SLC12A9: variants seen among roughly 807,000 people sequenced by gnomAD.
SLC12A9 encodes the protein solute carrier family 12 member 9.
In SLC12A9, 55 loss-of-function variants were observed where a neutral mutation model predicts 66.0. The ratio of observed to expected loss-of-function variants is 0.83; its 90% CI spans 0.67 to 1.04. SLC12A9 has a LOEUF of 1.04. Among genes scored for constraint, SLC12A9 ranks in the 50% least tolerant of loss-of-function variants. The pLI is 0.00. For missense variants in SLC12A9, 1,061 were observed against 1,241.9 expected (o/e 0.85, Z 2.19); for synonymous variants, 577 against 569.0 (o/e 1.01, Z -0.20).
rs1814434714 is a variant in SLC12A9, at chr7:100,857,014, C to T, written c.595C>T (p.Leu199=). ...YARASFLTFL[L]VSGSLASVLI... is the part of the protein sequence containing the mutation. ...CCGGGCCTCATTCCTCACATTCCTG[C>T]TGGTCTCTGGCTCCCTGGCCTCTGT... The change falls in exon 5 of 14, where the codon CTG becomes TTG. Residue 199 remains leucine (L), a synonymous_variant. Transcript: ENST00000354161. 6.2e-7 allele frequency: 1 copy of T among 1,614,066 alleles called. No homozygotes were observed. The highest frequency in any genetic ancestry group is 1.7e-5 in the Admixed American group (1 of 60,006).
intron 1 of SLC12A9, 102 bp from the exon 2 acceptor site, chr7:100,854,054 A>G: frequency 2.8e-6 from 2 of 710,056 alleles, no homozygotes; most frequent in Non-Finnish European, 4.3e-6. Flanking sequence ...AGTAGAGAGC[A>G]GCTCTGTCTT....
rs752635124 is a variant in SLC12A9, at chr7:100,854,767, A to C, written c.316+13A>C. The stretch of plus-strand genomic sequence containing the variant: ...GGCGGAGCCTACTGTATCCTCCAAC[A>C]TCGATGGACTGGGGTCTGGCCTGTT... On this transcript the variant is annotated intron_variant, in intron 3 of 13. Coordinates refer to ENST00000354161, the MANE Select transcript of SLC12A9 (RefSeq NM_020246.4). 7 of 1,613,646 alleles carry C rather than the reference A, an allele frequency of 4.3e-6. No homozygotes were observed. Among genetic ancestry groups the C allele is most frequent in the Non-Finnish European group, 5.9e-6 (7 of 1,179,924 alleles).
intron 1 of SLC12A9, chr7:100,837,388 G>C (rs1813682570): frequency 6.6e-6 from 1 of 152,238 alleles, no homozygotes; most frequent in South Asian, 2.1e-4. Context: ...CACAATTCGC[G>C]CCTTCCCAGG....
chr7:100,859,121 T>C lies in SLC12A9; in HGVS notation c.937T>C (p.Tyr313His). 6.2e-7 allele frequency: 1 copy of C among 1,614,104 alleles called. No homozygotes were observed. Among genetic ancestry groups the C allele is most frequent in the Non-Finnish European group, 8.5e-7 (1 of 1,180,020 alleles). ...CGCCGTCGCCTACACCTTCTTCGTC[T>C]ATGTCCTGCTTTTCTTTCTCTCCAG... The part of the protein sequence containing the change: ...IVAVAYTFFV[Y>H]VLLFFLSSFT... Residue 313 changes from tyrosine (Y) to histidine (H), a missense_variant, in exon 7 of 14, where the codon TAT becomes CAT. Physicochemically the swap from Tyr to His is moderately conservative, Grantham distance 83. Transcript: ENST00000354161.
At chr7:100,863,094 A>C (rs1584708489) in intron 13 of SLC12A9, among the ~76,000 whole-genome samples, 1 of 126,726 alleles carries the variant, frequency 7.9e-6, no homozygotes, top group African/African-American at 3.1e-5. Flanking sequence ...ACGGAGTCTC[A>C]CTCTGTCTTG....
Position 100,866,685 on chromosome 7 carries a change from C to G in SLC12A9, c.*80C>G. ...TCCTTGGAGGAGGAGGAAGAGGAGGCCACTGTGGCCCGTGGCCCTGCCCTT... is the reference window on the plus strand; with the variant it reads ...TCCTTGGAGGAGGAGGAAGAGGAGGGCACTGTGGCCCGTGGCCCTGCCCTT... On this transcript the variant is annotated 3_prime_UTR_variant, in exon 14 of 14. Coordinates refer to ENST00000354161, the MANE Select transcript of SLC12A9 (RefSeq NM_020246.4). The surrounding 1 kb of genome is among the most constrained non-coding windows in gnomAD (Gnocchi z 7.3). The G allele has an allele frequency of 2.9e-6, 4 of 1,376,202 alleles. 1 individual carries two copies. The South Asian group carries it at 6.2e-5, about 21-fold the overall frequency. The allele number at this position is 1,376,202 out of a possible 1,614,324, so 85.2% of individuals were successfully genotyped here. A position where few individuals can be genotyped will look rare whatever the true frequency, so the allele number is the denominator to read the frequency against.
rs1179102893 is a variant in SLC12A9 at position 100,859,937 on chromosome 7, C to G, written c.1030C>G (p.Pro344Ala). The G allele has an allele frequency of 6.2e-7, 1 of 1,611,570 alleles. No homozygotes were observed. Among genetic ancestry groups the G allele is most frequent in the Admixed American group, 1.7e-5 (1 of 59,988 alleles). Residue 344 changes from proline to alanine, a missense_variant, in exon 8 of 14, where the codon CCA (proline) becomes GCA (alanine). By Grantham distance (27) the Pro-to-Ala change is conservative. Transcript: ENST00000354161. ...GFFRAISLWP[P>A]LVLIGIYATA... ...CTTCCGCGCCATCAGCCTGTGGCCC[C>G]CACTGGTGTTGATCGGAATCTATGC...
chr7:100,856,775 G>T, intron 4 of SLC12A9, 93 bp from the exon 5 acceptor site: 1 of 1,292,118 alleles, frequency 7.7e-7, no homozygotes, highest in Admixed American at 2.3e-5. Context: ...GCCTCCCAAA[G>T]TGCTGGAATT....
intron 1 of SLC12A9, among the ~76,000 whole-genome samples, chr7:100,832,477 C>A (rs769403221): frequency 3.3e-5 from 5 of 152,122 alleles, no homozygotes; most frequent in African/African-American, 1.2e-4. Flanking sequence ...GGCACCACTG[C>A]ACTCCAACCT....
At chr7:100,854,437 G>A in intron 2 of SLC12A9, 59 bp downstream of exon 2, 1 of 1,599,012 alleles carries the variant, frequency 6.3e-7, no homozygotes, top group Non-Finnish European at 8.5e-7. Flanking sequence ...ATGATGGGGA[G>A]GGGTGGAGAT....
At chr7:100,827,183 G>A (rs946344057) in intron 1 of SLC12A9, 145 of 668,910 alleles carry the variant, frequency 2.2e-4, no homozygotes, top group Non-Finnish European at 2.9e-4. Context: ...GCGGGGCACC[G>A]GGCGGCGGCG....
At chr7:100,850,223 T>C (rs1814030250), upstream of SLC12A9, among the ~76,000 whole-genome samples, 1 of 139,872 alleles carries the variant, frequency 7.1e-6, no homozygotes. Flanking sequence ...CCTCCCTTCT[T>C]TCCTTCCTTC....
intron 1 of SLC12A9, among the ~76,000 whole-genome samples, chr7:100,846,634 A>C (rs1353501927): frequency 1.3e-5 from 2 of 152,166 alleles, no homozygotes; most frequent in African/African-American, 2.4e-5. Context: ...GTACTATATG[A>C]ATCACTATCG....
rs200193636 is a variant in SLC12A9, at chr7:100,859,116, T to C, written c.932T>C (p.Phe311Ser). 2.5e-6 allele frequency: 4 copies of C among 1,614,112 alleles called. No individual in the cohort carries two copies. Among genetic ancestry groups the C allele is most frequent in the Non-Finnish European group, 3.4e-6 (4 of 1,180,022 alleles). ...ATCGTCGCCGTCGCCTACACCTTCTTCGTCTATGTCCTGCTTTTCTTTCTC... is the reference window on the plus strand; with the variant it reads ...ATCGTCGCCGTCGCCTACACCTTCTCCGTCTATGTCCTGCTTTTCTTTCTC... Reference protein sequence around the residue: ...GTIVAVAYTFFVYVLLFFLSS... With the variant: ...GTIVAVAYTFSVYVLLFFLSS... Residue 311 changes from phenylalanine to serine, a missense_variant, in exon 7 of 14, where the codon TTC (phenylalanine) becomes TCC (serine). Phe to Ser is a radical substitution (Grantham distance 155, BLOSUM62 -2). Coordinates refer to ENST00000354161, the MANE Select transcript of SLC12A9 (RefSeq NM_020246.4).
intron 4 of SLC12A9, chr7:100,856,588 C>T: frequency 2.5e-6 from 1 of 396,468 alleles, no homozygotes; most frequent in Non-Finnish European, 4.6e-6. Flanking sequence ...CATCTCGGCT[C>T]AATGCAACTT....
rs530268230 is a variant in SLC12A9 at position 100,862,943 on chromosome 7, G to T, written c.1858+116G>T. 12 of 1,276,932 alleles carry T rather than the reference G, an allele frequency of 9.4e-6. No individual in the cohort carries two copies. The South Asian group carries it at 1.6e-4, about 17-fold the overall frequency. The allele number at this position is 1,276,932 out of a possible 1,614,324, so 79.1% of individuals were successfully genotyped here. ...CAAACTGCAAAAGGACCTTATAGTC[G>T]AGAGGAGATAAGACAGTGCTCAAAG... On this transcript the variant is annotated intron_variant, in intron 13 of 13. Transcript: ENST00000354161.
intron 13 of SLC12A9, among the ~76,000 whole-genome samples, chr7:100,863,994 G>A (rs558573174): frequency 6.6e-6 from 1 of 152,010 alleles, no homozygotes; most frequent in East Asian, 1.9e-4. Flanking sequence ...TTCACTTTTT[G>A]TGCAGAGACC....
intron 12 of SLC12A9, 62 bp from the exon 13 acceptor site, chr7:100,862,619 A>G (rs1814827137): frequency 1.3e-6 from 2 of 1,589,242 alleles, no homozygotes; most frequent in East Asian, 4.5e-5. Context: ...TGTGATTTGG[A>G]CTCTAGGAGA....
At chr7:100,864,849 A>G (rs185328911) in intron 13 of SLC12A9, among the ~76,000 whole-genome samples, 1 of 152,368 alleles carries the variant, frequency 6.6e-6, no homozygotes, top group African/African-American at 2.4e-5. Context: ...TCTACAGGAC[A>G]TAGCCCCTGG....
Sources: gnomAD v4.1 joint callset for allele counts (sites outside exome capture counted in the v4.1 genomes callset) on GRCh38, gnomAD v4.1.1 for gene constraint, Gnocchi (gnomAD v3.1) non-coding constraint, MANE v1.5 for transcripts, NCBI Gene and HGNC (gene_info 2026-07-23, HGNC 2026-07-21) for gene names.